The following KIF9 variants were observed in gnomAD, a reference collection of about 807,000 sequenced individuals.
KIF9 encodes kinesin-like protein KIF9.
Under a neutral mutation model 94.8 loss-of-function variants are expected in KIF9, and 68 were observed. That is an observed-to-expected ratio of 0.72 (90% CI 0.59 to 0.88). KIF9 has a LOEUF of 0.88. KIF9 is among the 40% of genes least tolerant of loss of function. KIF9 has a pLI of 0.00. For synonymous variants in KIF9, 343 were observed against 362.1 expected (o/e 0.95, Z 0.60); for missense variants, 882 against 982.5 (o/e 0.90, Z 1.37).
chr3:47,280,724 G>T (rs1559476175), intron 1 of KIF9, among the ~76,000 whole-genome samples: 1 of 152,228 alleles, frequency 6.6e-6, no homozygotes, highest in East Asian at 1.9e-4. Flanking sequence ...TCTCCCTCCA[G>T]AGCCTGGCCC....
chr3:47,261,912 T>A (rs1700999409), intron 9 of KIF9, among the ~76,000 whole-genome samples: 1 of 152,240 alleles, frequency 6.6e-6, no homozygotes, highest in Non-Finnish European at 1.5e-5. Flanking sequence ...ATGTACAGTG[T>A]CACTGCATAA....
chr3:47,236,456 G>A lies in KIF9; in HGVS notation c.2088C>T (p.His696=). 6.2e-7 allele frequency: 1 copy of A among 1,613,126 alleles called. No individual in the cohort carries two copies. The highest frequency in any genetic ancestry group is 8.5e-7 in the Non-Finnish European group (1 of 1,180,034). ...CAACTGTCGCACCCATGAGCAGGCGGTGGCGACACTGATCCACTAGGTGCT... is the reference window on the plus strand; with the variant it reads ...CAACTGTCGCACCCATGAGCAGGCGATGGCGACACTGATCCACTAGGTGCT... The part of the protein sequence containing the change: ...YCQHLVDQCR[H]RLLMEFDIWY... The change falls in exon 18 of 21, where the codon CAC becomes CAT. Residue 696 remains histidine (H), a synonymous_variant. Coordinates refer to ENST00000684063, the MANE Select transcript of KIF9 (RefSeq NM_182902.4).
At chr3:47,235,143 G>A (rs540897816) in intron 20 of KIF9, among the ~76,000 whole-genome samples, 7 of 152,302 alleles carry the variant, frequency 4.6e-5, no homozygotes, top group Non-Finnish European at 5.9e-5. Context: ...TATAGCTAAC[G>A]CCATGTCTAG....
chr3:47,278,902 G>T (rs1347316006), intron 1 of KIF9, among the ~76,000 whole-genome samples: 2 of 152,116 alleles, frequency 1.3e-5, no homozygotes, highest in East Asian at 1.9e-4. Flanking sequence ...AATCTGGGAC[G>T]TGGAGGGTGC....
chr3:47,234,060 G>A (rs1327132152), intron 20 of KIF9, among the ~76,000 whole-genome samples: 1 of 151,908 alleles, frequency 6.6e-6, no homozygotes, highest in African/African-American at 2.4e-5. Flanking sequence ...TCCAGCCTGG[G>A]CAATAAGAGT....
At chr3:47,258,401 G>A (rs908637089) in intron 9 of KIF9, among the ~76,000 whole-genome samples, 7 of 152,200 alleles carry the variant, frequency 4.6e-5, no homozygotes, top group African/African-American at 1.7e-4. Flanking sequence ...GTGAGCCACT[G>A]AACCTGGCCC....
chr3:47,263,286 G>A (rs973880059), intron 9 of KIF9, among the ~76,000 whole-genome samples: 11 of 152,200 alleles, frequency 7.2e-5, no homozygotes, highest in Non-Finnish European at 1.3e-4. Flanking sequence ...GGACTCACCT[G>A]TGTCACTGGG....
At chr3:47,242,919 G>T in intron 16 of KIF9, 132 bp downstream of exon 16, 1 of 702,936 alleles carries the variant, frequency 1.4e-6, no homozygotes, top group Non-Finnish European at 2.2e-6. Context: ...TTTCTTCTTT[G>T]GGGACTGTGC....
At chr3:47,276,426 C>CGTG (rs778037025) in intron 2 of KIF9, among the ~76,000 whole-genome samples, 2 of 151,916 alleles carry the variant, frequency 1.3e-5, no homozygotes, top group Non-Finnish European at 2.9e-5. Flanking sequence ...CATGGTGGCA[C>CGTG]GTGCCTGTAA....
intron 17 of KIF9, among the ~76,000 whole-genome samples, chr3:47,239,034 A>C (rs1248866779): frequency 6.6e-6 from 1 of 152,174 alleles, no homozygotes. Flanking sequence ...CCCCATCTCT[A>C]CTAAAAACAC....
intron 20 of KIF9, among the ~76,000 whole-genome samples, chr3:47,232,574 CG>C (rs1698678393): frequency 6.6e-6 from 1 of 151,914 alleles, no homozygotes; most frequent in Non-Finnish European, 1.5e-5. Context: ...TGTGAGCCAC[CG>C]CGCCCAGCCC....
chr3:47,251,396 T>C (rs752632777), intron 10 of KIF9, among the ~76,000 whole-genome samples: 3 of 152,004 alleles, frequency 2.0e-5, no homozygotes, highest in South Asian at 2.1e-4. Flanking sequence ...TGAAACCCCA[T>C]CTCTACTAAA....
At chr3:47,256,559 G>T (rs1335040398) in intron 10 of KIF9, among the ~76,000 whole-genome samples, 1 of 151,760 alleles carries the variant, frequency 6.6e-6, no homozygotes, top group Non-Finnish European at 1.5e-5. Flanking sequence ...CCCTGTCCGG[G>T]AGGGGAGGGG....
intron 17 of KIF9, chr3:47,239,514 G>T: frequency 9.5e-7 from 1 of 1,052,986 alleles, no homozygotes; most frequent in African/African-American, 1.7e-5. Flanking sequence ...TGTCATAATT[G>T]GTCTGTGAGG....
At chr3:47,236,227 G>A in intron 18 of KIF9, 78 bp from the exon 19 acceptor site, 1 of 1,172,858 alleles carries the variant, frequency 8.5e-7, no homozygotes, top group Non-Finnish European at 1.3e-6. Context: ...ATCTGTTGCA[G>A]GCTCACCATC....
Position 47,243,115 on chromosome 3 carries a change from G to A in KIF9, c.1645C>T (p.Arg549Trp), listed in dbSNP as rs138545902. Residue 549 changes from arginine (R) to tryptophan (W), a missense_variant, in exon 16 of 21, where the codon CGG becomes TGG. Arg to Trp is a moderately radical substitution (Grantham distance 101). Coordinates refer to ENST00000684063, the MANE Select transcript of KIF9 (RefSeq NM_182902.4). ...AGGGGCTCAATGCTGGAAGTTTCCC[G>A]GTCCCGCGAAAGCATGTCTTTGACA... ...GDVKDMLSRD[R>W]ETSSIEPLPS... 27 of 1,613,716 alleles carry A rather than the reference G, an allele frequency of 1.7e-5. No individual in the cohort carries two copies. The highest frequency in any genetic ancestry group is 9.3e-5 in the African/African-American group (7 of 75,018).
chr3:47,245,375 G>A (rs756427593), intron 14 of KIF9, 46 bp downstream of exon 14: 2 of 1,412,026 alleles, frequency 1.4e-6, no homozygotes, highest in Admixed American at 3.3e-5. Flanking sequence ...GTCTGAGGAT[G>A]GGAAATCTGA....
chr3:47,228,661 A>G lies in KIF9; in HGVS notation c.2364T>C (p.His788=), dbSNP rs1426012661. The change falls in exon 21 of 21, where the codon CAT becomes CAC. Residue 788 remains histidine (H), a synonymous_variant. Transcript: ENST00000684063. The part of the protein sequence containing the change: ...LKTMMGLQQA[H]RK ...TACTGGCGATGAGGTTCTATTTTCT[A>G]TGTGCCTGCTGGAGGCCCATCATGG... 1.2e-6 allele frequency: 2 copies of G among 1,613,636 alleles called. No homozygotes were observed. Among genetic ancestry groups the G allele is most frequent in the Non-Finnish European group, 1.7e-6 (2 of 1,179,728 alleles).
At chr3:47,262,274 G>GTT (rs549931720) in intron 9 of KIF9, among the ~76,000 whole-genome samples, 13 of 143,812 alleles carry the variant, frequency 9.0e-5, no homozygotes, top group African/African-American at 2.8e-4. Context: ...GGGTTTTTTT[G>GTT]TTTTTTTTTT....
Sources: allele counts gnomAD v4.1 joint callset (sites outside exome capture counted in the v4.1 genomes callset), GRCh38; gene constraint gnomAD v4.1.1; transcripts MANE v1.5; gene names NCBI Gene and HGNC (gene_info 2026-07-23, HGNC 2026-07-21).